The following GRM1 variants were observed in gnomAD, a reference collection of about 807,000 sequenced individuals.
GRM1 encodes the protein metabotropic glutamate receptor 1.
Under a neutral mutation model 90.9 loss-of-function variants are expected in GRM1, and 33 were observed. The ratio of observed to expected loss-of-function variants is 0.36; its 90% confidence interval spans 0.28 to 0.49. The LOEUF is 0.49. Ranked by LOEUF, GRM1 falls within the 20% of genes least tolerant of loss-of-function variation. The pLI is 0.99. For synonymous variants in GRM1, 700 were observed against 613.2 expected (o/e 1.14, Z -2.09); for missense variants, 1,190 against 1,534.3 (o/e 0.78, Z 3.75).
chr6:146,421,293 A>G (rs1218973098), intron 7 of GRM1, among the ~76,000 whole-genome samples: 1 of 152,186 alleles, frequency 6.6e-6, no homozygotes, highest in Non-Finnish European at 1.5e-5. Flanking sequence ...TATTTTTTAA[A>G]GTGTGGTATT....
At chr6:146,278,070 A>T (rs763509907) in intron 2 of GRM1, among the ~76,000 whole-genome samples, 4 of 152,144 alleles carry the variant, frequency 2.6e-5, no homozygotes, top group Non-Finnish European at 5.9e-5. Context: ...TTTGGATTCA[A>T]GATTAAAGTG....
At chr6:146,139,897 C>CTTCCCTTCCA (rs1776776020) in intron 1 of GRM1, among the ~76,000 whole-genome samples, 1 of 116,424 alleles carries the variant, frequency 8.6e-6, no homozygotes, top group African/African-American at 3.7e-5. Context: ...CTTCCCTTCC[C>CTTCCCTTCCA]TTCCCTTCCC....
At chr6:146,135,401 A>G (rs993103961) in intron 1 of GRM1, among the ~76,000 whole-genome samples, 3 of 152,220 alleles carry the variant, frequency 2.0e-5, no homozygotes, top group Admixed American at 6.5e-5. Flanking sequence ...ATCCAAGTGA[A>G]ATGCAGGTCT....
rs1288697451 is a variant in GRM1, at chr6:146,437,252, A to T, written c.*2456A>T. The T allele has an allele frequency of 6.6e-6, 1 of 152,262 alleles. No homozygotes were observed. The highest frequency in any genetic ancestry group is 1.9e-4 in the East Asian group (1 of 5,196). 9.4% of individuals were successfully genotyped at this position (152,262 alleles called of 1,614,324 possible). A position where few individuals can be genotyped will look rare whatever the true frequency, so the allele number is the denominator to read the frequency against. On this transcript the variant is annotated 3_prime_UTR_variant, in exon 8 of 8. Coordinates refer to ENST00000282753, the MANE Select transcript of GRM1 (RefSeq NM_001278064.2). ...ATTCAGATTTTTAAAAAATTAGGAT[A>T]GATAAGGAAACAACTTATATTCAAG... is the stretch of plus-strand genomic sequence containing the variant.
chr6:146,324,352 G>C (rs1395185142), intron 3 of GRM1, among the ~76,000 whole-genome samples: 2 of 152,146 alleles, frequency 1.3e-5, no homozygotes, highest in East Asian at 3.9e-4. Flanking sequence ...CATCCCCTGA[G>C]CTAGACCAAT....
At chr6:146,141,178 G>C (rs116873395) in intron 1 of GRM1, among the ~76,000 whole-genome samples, 1 of 150,924 alleles carries the variant, frequency 6.6e-6, no homozygotes, top group African/African-American at 2.4e-5. Flanking sequence ...ATTTTTTTTC[G>C]TCCTGCATTT....
intron 4 of GRM1, among the ~76,000 whole-genome samples, chr6:146,355,823 G>A (rs775640615): frequency 7.9e-5 from 12 of 152,160 alleles, no homozygotes; most frequent in Non-Finnish European, 1.8e-4. Context: ...ATTAAGCAGG[G>A]GCGTGTGAGA....
At chr6:146,118,949 T>C (rs1382266924) in intron 1 of GRM1, among the ~76,000 whole-genome samples, 5 of 152,246 alleles carry the variant, frequency 3.3e-5, no homozygotes, top group African/African-American at 1.2e-4. Flanking sequence ...CCTTTGGGTA[T>C]ATACCCAGTA....
chr6:146,375,166 G>A (rs759241654), intron 5 of GRM1, among the ~76,000 whole-genome samples: 37 of 151,786 alleles, frequency 2.4e-4, no homozygotes, highest in South Asian at 4.1e-4. Context: ...TAATTTCCAC[G>A]TAGTTTGTGT....
intron 1 of GRM1, among the ~76,000 whole-genome samples, chr6:146,056,520 G>T (rs1194035415): frequency 1.3e-5 from 2 of 152,074 alleles, no homozygotes; most frequent in African/African-American, 4.8e-5. Flanking sequence ...CAAGTGTAGT[G>T]GCAAGAATAC....
chr6:146,431,813 C>A (rs1033533139), intron 7 of GRM1, among the ~76,000 whole-genome samples: 1 of 151,910 alleles, frequency 6.6e-6, no homozygotes, highest in Non-Finnish European at 1.5e-5. Flanking sequence ...GGGTAAGAGG[C>A]AAATAAGTTT....
upstream of GRM1, among the ~76,000 whole-genome samples, chr6:146,028,508 AC>A (rs1355985581): frequency 6.6e-6 from 1 of 150,426 alleles, no homozygotes; most frequent in Admixed American, 6.7e-5. Flanking sequence ...CAAGCGCAGG[AC>A]CCCCCCTAAC....
At chr6:146,068,586 G>A (rs1205888940) in intron 1 of GRM1, among the ~76,000 whole-genome samples, 3 of 152,188 alleles carry the variant, frequency 2.0e-5, no homozygotes, top group African/African-American at 7.2e-5. Context: ...TTTCAGGCCA[G>A]AGCTAATCTA....
chr6:146,302,493 T>C (rs536409582), intron 2 of GRM1, among the ~76,000 whole-genome samples: 2 of 151,704 alleles, frequency 1.3e-5, no homozygotes, highest in South Asian at 4.2e-4. Flanking sequence ...CACCTCAGCC[T>C]CCCAAATAGC....
At chr6:146,206,407 G>T (rs1278867601) in intron 2 of GRM1, among the ~76,000 whole-genome samples, 2 of 152,042 alleles carry the variant, frequency 1.3e-5, no homozygotes, top group Non-Finnish European at 2.9e-5. Flanking sequence ...AGTTGCCAGG[G>T]TTATCATTCC....
At chr6:146,314,049 TCC>T (rs1783869715) in intron 3 of GRM1, among the ~76,000 whole-genome samples, 1 of 130,878 alleles carries the variant, frequency 7.6e-6, no homozygotes, top group African/African-American at 2.7e-5. Context: ...AATAGTTAAT[TCC>T]TTTTTTTTTT....
chr6:146,134,184 C>T (rs1317308383), intron 1 of GRM1, among the ~76,000 whole-genome samples: 3 of 152,158 alleles, frequency 2.0e-5, no homozygotes, highest in African/African-American at 7.2e-5. Context: ...AGTCTCACTG[C>T]CTGGGCTGTG....
intron 3 of GRM1, among the ~76,000 whole-genome samples, chr6:146,348,298 G>A (rs760860720): frequency 6.6e-6 from 1 of 152,186 alleles, no homozygotes; most frequent in Non-Finnish European, 1.5e-5. Context: ...GCCTATAATA[G>A]ATTTTGTTTG....
chr6:146,170,938 A>G (rs1053176322), intron 2 of GRM1, among the ~76,000 whole-genome samples: 2 of 151,604 alleles, frequency 1.3e-5, no homozygotes, highest in Admixed American at 6.6e-5. Flanking sequence ...TGATTTTGTT[A>G]TTGTTTATAT....
Sources: gnomAD v4.1 joint callset for allele counts (sites outside exome capture counted in the v4.1 genomes callset) on GRCh38, gnomAD v4.1.1 for gene constraint, MANE v1.5 for transcripts, NCBI Gene and HGNC (gene_info 2026-07-23, HGNC 2026-07-21) for gene names.